KRT86: variants seen among roughly 807,000 people sequenced by gnomAD.
The protein encoded by KRT86 is keratin, type II cuticular Hb6.
KRT86 carries 30 observed loss-of-function variants against 41.2 expected under a neutral mutation model. The ratio of observed to expected loss-of-function variants is 0.73; its 90% CI spans 0.54 to 0.99. The LOEUF is 0.99. Among genes scored for constraint, KRT86 ranks in the 50% least tolerant of loss-of-function variants. The pLI is 0.00. For missense variants in KRT86, 561 were observed against 571.4 expected (o/e 0.98, Z 0.19); for synonymous variants, 238 against 238.1 (o/e 1.00, Z 0.00).
intron 2 of KRT86, among the ~76,000 whole-genome samples, chr12:52,279,421 T>G (rs974472084): frequency 1.8e-4 from 27 of 152,222 alleles, no homozygotes; most frequent in Admixed American, 8.5e-4. Flanking sequence ...GCAGATGGCC[T>G]GGACGCTGGT....
chr12:52,283,756 A>G (rs1248563340), intron 2 of KRT86, among the ~76,000 whole-genome samples: 1 of 152,230 alleles, frequency 6.6e-6, no homozygotes, highest in Admixed American at 6.5e-5. Flanking sequence ...CTGGGATTAC[A>G]GGCGTGAGCC....
At chr12:52,298,247 C>T (rs934095478) in intron 2 of KRT86, among the ~76,000 whole-genome samples, 2 of 152,100 alleles carry the variant, frequency 1.3e-5, no homozygotes, top group South Asian at 2.1e-4. Flanking sequence ...GGGTTCTTTT[C>T]GAGGACAAAT....
In KRT86 at chr12:52,299,405, G is replaced by C. The variant is rs1024993106; in HGVS notation, c.-4-2508G>C. On this transcript the variant is annotated intron_variant, in intron 2 of 10. Transcript: ENST00000423955. ...TATTGTGAATAGCGCTGCAATAAAC[G>C]TGGGAGTGCAGACATCTCTTTGATA... is the stretch of plus-strand genomic sequence containing the variant. Among the ~76,000 whole-genome samples the C allele has an allele frequency of 2.0e-5, 3 of 152,152 alleles. No homozygotes were observed. In the East Asian group the frequency reaches 5.8e-4, roughly 29 times the overall value.
At chr12:52,280,265 C>T (rs574776790) in intron 2 of KRT86, among the ~76,000 whole-genome samples, 2 of 152,146 alleles carry the variant, frequency 1.3e-5, no homozygotes, top group African/African-American at 4.8e-5. Context: ...TAAGTTGGTC[C>T]GAGTTTTTAC....
At chr12:52,281,244 G>A (rs1364223438) in intron 2 of KRT86, among the ~76,000 whole-genome samples, 3 of 152,212 alleles carry the variant, frequency 2.0e-5, no homozygotes, top group African/African-American at 7.2e-5. Flanking sequence ...TTCAGTCATT[G>A]CTTCTCAGCA....
At chr12:52,306,411 T>A in intron 9 of KRT86, 131 bp downstream of exon 9, 1 of 1,377,210 alleles carries the variant, frequency 7.3e-7, no homozygotes, top group Non-Finnish European at 1.0e-6. Flanking sequence ...GTAATTTGTG[T>A]AAGTCCTTTA....
intron 2 of KRT86, among the ~76,000 whole-genome samples, chr12:52,278,134 G>A (rs1268207817): frequency 3.3e-5 from 5 of 152,190 alleles, no homozygotes; most frequent in Non-Finnish European, 7.3e-5. Flanking sequence ...TTTCAACTCA[G>A]TAGACAACAG....
intron 7 of KRT86, 83 bp downstream of exon 7, chr12:52,305,487 G>T: frequency 6.2e-7 from 1 of 1,610,360 alleles, no homozygotes; most frequent in East Asian, 2.2e-5. Context: ...TCCTTTTCTG[G>T]GGATGCACTA....
chr12:52,308,512 T>G lies in KRT86; in HGVS notation c.1388T>G (p.Val463Gly). 1.9e-6 allele frequency: 3 copies of G among 1,606,416 alleles called. No homozygotes were observed. Among genetic ancestry groups the G allele is most frequent in the Non-Finnish European group, 2.5e-6 (3 of 1,179,878 alleles). The part of the protein sequence containing the change: ...VSSVPSNSNV[V>G]VGTTNACAPS... ...AGCGTCCCCAGCAACAGCAACGTGG[T>G]GGTGGGCACTACTAACGCCTGCGCC... Residue 463 changes from valine to glycine, a missense_variant, in exon 11 of 11, where the codon GTG (valine) becomes GGG (glycine). By Grantham distance (109) the Val-to-Gly change is moderately radical. Transcript: ENST00000423955.
chr12:52,282,201 G>A (rs1446234580), intron 2 of KRT86, among the ~76,000 whole-genome samples: 1 of 151,780 alleles, frequency 6.6e-6, no homozygotes, highest in African/African-American at 2.4e-5. Context: ...TCACTTACTG[G>A]AATTCTTTAG....
Position 52,305,780 on chromosome 12 carries a change from A to T in KRT86, c.1018A>T (p.Lys340Ter), listed in dbSNP as rs1938499514. The change falls in exon 8 of 11, where the codon AAG becomes TAG. Residue 340 changes from lysine to a stop codon, truncating the protein, a stop_gained. Coordinates refer to ENST00000423955, the MANE Select transcript of KRT86 (RefSeq NM_001320198.2). LOFTEE classifies it high-confidence loss of function. The stretch of plus-strand genomic sequence containing the variant: ...GCTGACGGCTGAGGTGGAGAATGCC[A>T]AGTGCCAGGTATGGGGCATCTGTGC... Reference protein sequence around the residue: ...QRLTAEVENAKCQNSKLEAAV... With the variant: ...QRLTAEVENA 5.6e-6 allele frequency: 9 copies of T among 1,613,950 alleles called. No homozygotes were observed. The highest frequency in any genetic ancestry group is 7.6e-6 in the Non-Finnish European group (9 of 1,179,854).
intron 9 of KRT86, 49 bp from the exon 10 acceptor site, chr12:52,308,184 G>C: frequency 6.2e-7 from 1 of 1,613,516 alleles, no homozygotes; most frequent in Non-Finnish European, 8.5e-7. Context: ...AGTCACGGGG[G>C]CCCGGCGCCT....
rs1342256035 is a variant in KRT86 at position 52,305,224 on chromosome 12, C to T, written c.736-16C>T. 5 of 1,614,068 alleles carry T rather than the reference C, an allele frequency of 3.1e-6. No individual in the cohort carries two copies. The highest frequency in any genetic ancestry group is 2.7e-5 in the African/African-American group (2 of 74,906). On this transcript the variant is annotated splice_polypyrimidine_tract_variant and intron_variant, in intron 6 of 10. Coordinates refer to ENST00000423955, the MANE Select transcript of KRT86 (RefSeq NM_001320198.2). ...GCTGTGTTCTCAACTAAAGTCACTG[C>T]CCTCACCTCCTGCAGGAGATCCGCG...
At chr12:52,284,148 A>T (rs1344987718) in intron 2 of KRT86, among the ~76,000 whole-genome samples, 1 of 152,058 alleles carries the variant, frequency 6.6e-6, no homozygotes, top group East Asian at 1.9e-4. Context: ...CTTGAGTCTC[A>T]GGTCTGGACT....
At position 52,305,867 on chromosome 12, in the gene KRT86, A is replaced by T. The variant is rs1938502164; in HGVS notation, c.1026+79A>T. On this transcript the variant is annotated intron_variant, in intron 8 of 10. Coordinates refer to ENST00000423955, the MANE Select transcript of KRT86 (RefSeq NM_001320198.2). ...CACAGCCTATGTGTGCCCTATCTGG[A>T]TCTCAGCATTCATTCTCCAGCCCCT... 1.9e-6 allele frequency: 3 copies of T among 1,611,994 alleles called. No individual in the cohort carries two copies. The East Asian group carries it at 6.7e-5, about 36-fold the overall frequency.
rs202150817 is a variant in KRT86, at chr12:52,305,020, A to T, written c.728A>T (p.Tyr243Phe). 6.2e-7 allele frequency: 1 copy of T among 1,613,952 alleles called. No individual in the cohort carries two copies. Among genetic ancestry groups the T allele is most frequent in the South Asian group, 1.1e-5 (1 of 91,072 alleles). ...GAGATCGACTTCCTGAGGCGGCTGTATGAGGAGGTGCGGGCTCAGGGGCCA... is the reference window on the plus strand; with the variant it reads ...GAGATCGACTTCCTGAGGCGGCTGTTTGAGGAGGTGCGGGCTCAGGGGCCA... The part of the protein sequence containing the change: ...IQEIDFLRRL[Y>F]EEEIRVLQSH... The change falls in exon 6 of 11, where the codon TAT (tyrosine) becomes TTT (phenylalanine). Residue 243 changes from tyrosine to phenylalanine, a missense_variant. Transcript: ENST00000423955.
chr12:52,301,690 TG>T, intron 2 of KRT86: 1 of 318,226 alleles, frequency 3.1e-6, no homozygotes, highest in Non-Finnish European at 4.5e-6. Flanking sequence ...TCATAACATC[TG>T]GCTGCTTCTG....
chr12:52,297,276 TGAAAAGTAG>T (rs1938272594), intron 2 of KRT86, among the ~76,000 whole-genome samples: 1 of 152,226 alleles, frequency 6.6e-6, no homozygotes, highest in Non-Finnish European at 1.5e-5. Flanking sequence ...ACAGTATGTA[TGAAAAGTAG>T]CCCTCTTTAG....
At chr12:52,277,771 G>A (rs532159221) in intron 2 of KRT86, 1 of 152,766 alleles carries the variant, frequency 6.5e-6, no homozygotes, top group South Asian at 2.1e-4. Context: ...TGGCTGCAGT[G>A]AGGAGTGCAG....
Sources: gnomAD v4.1 joint callset for allele counts (sites outside exome capture counted in the v4.1 genomes callset) on GRCh38, gnomAD v4.1.1 for gene constraint, MANE v1.5 for transcripts, NCBI Gene and HGNC (gene_info 2026-07-23, HGNC 2026-07-21) for gene names.